ARAP3: variants seen among roughly 807,000 people sequenced by gnomAD.
ARAP3 encodes ArfGAP with RhoGAP domain, ankyrin repeat and PH domain 3, also known as arf-GAP with Rho-GAP domain, ANK repeat and PH domain-containing protein 3.
Under a neutral mutation model 169.2 loss-of-function variants are expected in ARAP3, and 82 were observed. That is an observed-to-expected ratio of 0.48 (90% confidence interval 0.41 to 0.58). The LOEUF (loss-of-function observed/expected upper bound fraction) is 0.58, where lower values mean the gene tolerates loss of function less well. ARAP3 is among the 20% of genes least tolerant of loss of function. The pLI, the probability that ARAP3 is intolerant of heterozygous loss-of-function variation, is 0.00. For missense variants in ARAP3, 1,764 were observed against 2,018.0 expected (o/e 0.87, Z 2.41); for synonymous variants, 791 against 800.3 (o/e 0.99, Z 0.20).
Position 141,673,069 on chromosome 5 carries a change from T to C in ARAP3, c.1037A>G (p.Asn346Ser). 1 of 1,614,216 alleles carries C rather than the reference T, an allele frequency of 6.2e-7. No individual in the cohort carries two copies. The highest frequency in any genetic ancestry group is 1.1e-5 in the South Asian group (1 of 91,086). Residue 346 changes from asparagine to serine, a missense_variant, in exon 7 of 33, where the codon AAC becomes AGC. Asn to Ser is a conservative substitution (Grantham distance 46). Coordinates refer to ENST00000239440, the MANE Select transcript of ARAP3 (RefSeq NM_022481.6). Reference sequence around the variant, plus strand: ...CTGGCCGGTGATGACCTGGAACTTGTTGTCCTTGCTGCTGCGGGTCATCTC... The same window carrying C: ...CTGGCCGGTGATGACCTGGAACTTGCTGTCCTTGCTGCTGCGGGTCATCTC... ...AIEMTRSSKD[N>S]KFQVITGQRV...
intron 4 of ARAP3, among the ~76,000 whole-genome samples, chr5:141,674,684 A>G (rs1213110242): frequency 6.6e-6 from 1 of 152,152 alleles, no homozygotes; most frequent in Non-Finnish European, 1.5e-5. Context: ...TGCCGTTAGT[A>G]TGACTTGGAT....
intron 16 of ARAP3, among the ~76,000 whole-genome samples, chr5:141,669,428 G>A (rs1025807728): frequency 2.6e-5 from 4 of 152,202 alleles, no homozygotes; most frequent in Non-Finnish European, 4.4e-5. Context: ...TTTTAGTCCT[G>A]TGCTCTGCTG....
At chr5:141,668,570 T>C (rs1468620555) in intron 16 of ARAP3, among the ~76,000 whole-genome samples, 2 of 152,288 alleles carry the variant, frequency 1.3e-5, no homozygotes, top group East Asian at 3.9e-4. Flanking sequence ...AGCACTGCCT[T>C]AAAGGATGGG....
rs75953884 is a variant in ARAP3, at chr5:141,656,532, C to T, written c.3761G>A (p.Arg1254His). Residue 1254 changes from arginine (R) to histidine (H), a missense_variant, in exon 27 of 33, where the codon CGC becomes CAC. Coordinates refer to ENST00000239440, the MANE Select transcript of ARAP3 (RefSeq NM_022481.6). Reference protein sequence around the residue: ...FQERFFLLRGRCLLLLKEKKS... With the variant: ...FQERFFLLRGHCLLLLKEKKS... ...CTTCTCCTTGAGCAGCAGCAGGCAGCGGCCACGCAGCAGAAAGAACCTCTC... is the reference window on the plus strand; with the variant it reads ...CTTCTCCTTGAGCAGCAGCAGGCAGTGGCCACGCAGCAGAAAGAACCTCTC... The T allele has an allele frequency of 8.0e-4, 1,294 of 1,612,136 alleles. 27 individuals are homozygous for T. In the East Asian group the frequency reaches 0.027, roughly 34 times the overall value.
intron 16 of ARAP3, among the ~76,000 whole-genome samples, chr5:141,669,269 G>C (rs913426238): frequency 9.2e-5 from 14 of 152,204 alleles, no homozygotes; most frequent in Admixed American, 7.9e-4. Flanking sequence ...GAATGGAGAA[G>C]CTGGGAAATA....
At chr5:141,654,568 C>A in intron 32 of ARAP3, 133 bp from the exon 33 acceptor site, 2 of 1,305,170 alleles carry the variant, frequency 1.5e-6, no homozygotes, top group Non-Finnish European at 2.1e-6. Flanking sequence ...TGGAACAACC[C>A]TGTGCAGTGG....
chr5:141,663,038 G>A (rs1487909242), intron 19 of ARAP3, among the ~76,000 whole-genome samples: 1 of 152,122 alleles, frequency 6.6e-6, no homozygotes, highest in Non-Finnish European at 1.5e-5. Flanking sequence ...TTTCCTCTGG[G>A]GCAGTGATCC....
chr5:141,669,605 G>T, intron 16 of ARAP3, 104 bp downstream of exon 16: 1 of 1,078,074 alleles, frequency 9.3e-7, no homozygotes, highest in Non-Finnish European at 1.4e-6. Context: ...GTCACCCTTA[G>T]CTGTTAGTGG....
At chr5:141,661,210 T>A (rs2099909928) in intron 21 of ARAP3, among the ~76,000 whole-genome samples, 1 of 152,040 alleles carries the variant, frequency 6.6e-6, no homozygotes, top group South Asian at 2.1e-4. Flanking sequence ...ATTACTGGTA[T>A]GTACCACCAT....
Position 141,660,505 on chromosome 5 carries a change from A to G in ARAP3, c.3120-579T>C, listed in dbSNP as rs962968830. Among the ~76,000 whole-genome samples, 17 of 152,090 alleles carry G rather than the reference A, an allele frequency of 1.1e-4. No individual in the cohort carries two copies. The South Asian group carries it at 3.5e-3, about 31-fold the overall frequency. ...CAAGACTCCGTCTCAAAAAAAAAAAAAAAGAAAATATATACATGAATGGGT... is the reference window on the plus strand; with the variant it reads ...CAAGACTCCGTCTCAAAAAAAAAAAGAAAGAAAATATATACATGAATGGGT... On this transcript the variant is annotated intron_variant, in intron 21 of 32. Coordinates refer to ENST00000239440, the MANE Select transcript of ARAP3 (RefSeq NM_022481.6).
In ARAP3 at chr5:141,655,258, A is replaced by ACACACACACACACC. The variant is rs1491503001; in HGVS notation, c.4149+103_4149+104insGGTGTGTGTGTGTG. 3 of 1,109,500 alleles carry ACACACACACACACC rather than the reference A, an allele frequency of 2.7e-6. No individual in the cohort carries two copies. The African/African-American group carries it at 5.7e-5, about 21-fold the overall frequency. 68.7% of individuals were successfully genotyped at this position (1,109,500 alleles called of 1,614,324 possible). ...CACACACACACACACACACACACAC[A>ACACACACACACACC]CCCCCTGATGGCCTACATGAGGAAA... On this transcript the variant is annotated intron_variant, in intron 32 of 32. Coordinates refer to ENST00000239440, the MANE Select transcript of ARAP3 (RefSeq NM_022481.6).
Position 141,654,529 on chromosome 5 carries a change from T to C in ARAP3, c.4150-94A>G, listed in dbSNP as rs1029841937. On this transcript the variant is annotated intron_variant, in intron 32 of 32. Transcript: ENST00000239440. ...TACTGAGCTCTTCCTCTGGGCCAGA[T>C]GCTGTAAAATACTTGGCATGTATGA... is the stretch of plus-strand genomic sequence containing the variant. 7.4e-6 allele frequency: 11 copies of C among 1,479,874 alleles called. No homozygotes were observed. The South Asian group carries it at 1.1e-4, about 15-fold the overall frequency. 91.7% of individuals were successfully genotyped at this position (1,479,874 alleles called of 1,614,324 possible).
At chr5:141,660,113 G>A (rs544924388) in intron 21 of ARAP3, among the ~76,000 whole-genome samples, 187 bp from the exon 22 acceptor site, 3 of 152,336 alleles carry the variant, frequency 2.0e-5, no homozygotes, top group African/African-American at 7.2e-5. Context: ...TAAAGGGACA[G>A]ATAGTAGACA....
chr5:141,667,965 C>T (rs2099910895), intron 16 of ARAP3, among the ~76,000 whole-genome samples: 1 of 151,808 alleles, frequency 6.6e-6, no homozygotes, highest in Admixed American at 6.6e-5. Flanking sequence ...TCGCTTGAAC[C>T]CAAGAAGCGG....
chr5:141,659,987 G>T, intron 21 of ARAP3, 61 bp from the exon 22 acceptor site: 1 of 1,504,732 alleles, frequency 6.6e-7, no homozygotes, highest in Non-Finnish European at 9.0e-7. Flanking sequence ...CACTTATTGA[G>T]TCCCTATTGT....
At position 141,653,737 on chromosome 5, in the gene ARAP3, C is replaced by T. The variant is rs934028267; in HGVS notation, c.*213G>A. On this transcript the variant is annotated 3_prime_UTR_variant, in exon 33 of 33. Coordinates refer to ENST00000239440, the MANE Select transcript of ARAP3 (RefSeq NM_022481.6). ...TTCACTGCTCTCCTTACTTCAGTTA[C>T]CTCATGGTATAGATAAATGGGCTGG... 4.1e-6 allele frequency: 2 copies of T among 486,688 alleles called. No individual in the cohort carries two copies. The highest frequency in any genetic ancestry group is 6.9e-6 in the Non-Finnish European group (2 of 291,882). 30.1% of individuals were successfully genotyped at this position (486,688 alleles called of 1,614,324 possible).
In ARAP3 at chr5:141,673,793, A is replaced by T; in HGVS notation, c.714T>A (p.Asp238Glu). ...GRAEHRLSRQ[D>E]LEAREDAGYA... ...AGCCAGCATCCTCCCGTGCCTCCAG[A>T]TCCTGTCTGCTGAGCCTTGTGGGGG... is the stretch of plus-strand genomic sequence containing the variant. The change falls in exon 5 of 33, where the codon GAT becomes GAA. Residue 238 changes from aspartate to glutamate, a missense_variant. Around this residue, in one of 3 missense-constraint regions of ARAP3, gnomAD observed 630 missense variants for 678.7 expected, o/e 0.93. Transcript: ENST00000239440. The T allele has an allele frequency of 6.2e-7, 1 of 1,614,030 alleles. No individual in the cohort carries two copies. The highest frequency in any genetic ancestry group is 8.5e-7 in the Non-Finnish European group (1 of 1,180,002).
In ARAP3 at chr5:141,662,184, G is replaced by C; in HGVS notation, c.2872C>G (p.Arg958Gly). 1 of 1,614,214 alleles carries C rather than the reference G, an allele frequency of 6.2e-7. No homozygotes were observed. ...ARSLRLLAEF[R>G]RDARSVKLRP... ...AGCTTCACCGACCGGGCATCCCGAC[G>C]GAACTCAGCCAGGAGTCTCAGGCTG... The change falls in exon 20 of 33, where the codon CGT (arginine) becomes GGT (glycine). Residue 958 changes from arginine (R) to glycine (G), a missense_variant. By Grantham distance (125) the Arg-to-Gly change is moderately radical. Coordinates refer to ENST00000239440, the MANE Select transcript of ARAP3 (RefSeq NM_022481.6).
chr5:141,659,049 G>T (rs73285842), intron 23 of ARAP3, among the ~76,000 whole-genome samples: 149 of 152,264 alleles, frequency 9.8e-4, no homozygotes, highest in African/African-American at 3.4e-3. Context: ...AGCTATGTTT[G>T]CTATTATATT....
Sources: gnomAD v4.1 joint callset for allele counts (sites outside exome capture counted in the v4.1 genomes callset) on GRCh38, gnomAD v4.1.1 for gene constraint, gnomAD v4.1.1 regional missense constraint, MANE v1.5 for transcripts, NCBI Gene and HGNC (gene_info 2026-07-23, HGNC 2026-07-21) for gene names.